The following MAML2 variants were observed in gnomAD, a reference collection of about 807,000 sequenced individuals.
MAML2 encodes mastermind-like protein 2.
MAML2 carries 22 observed loss-of-function variants against 96.1 expected under a neutral mutation model. The ratio of observed to expected loss-of-function variants is 0.23; its 90% CI spans 0.16 to 0.33. The LOEUF is 0.33. MAML2 is among the 10% of genes least tolerant of loss of function. MAML2 has a pLI of 1.00. For missense variants in MAML2, 1,367 were observed against 1,392.4 expected (o/e 0.98, Z 0.29); for synonymous variants, 561 against 521.3 (o/e 1.08, Z -1.04).
At chr11:96,009,600 A>G (rs1289963849) in intron 2 of MAML2, among the ~76,000 whole-genome samples, 1 of 152,224 alleles carries the variant, frequency 6.6e-6, no homozygotes, top group Non-Finnish European at 1.5e-5. Context: ...CTGTGTACTT[A>G]CTACTCTACT....
chr11:96,008,001 A>G (rs972656932), intron 2 of MAML2, among the ~76,000 whole-genome samples: 1 of 145,180 alleles, frequency 6.9e-6, no homozygotes, highest in African/African-American at 2.6e-5. Flanking sequence ...CAATGTGCAC[A>G]TGTACCCTAA....
At chr11:96,005,606 G>A (rs537238090) in intron 2 of MAML2, among the ~76,000 whole-genome samples, 2 of 152,282 alleles carry the variant, frequency 1.3e-5, no homozygotes, top group East Asian at 1.9e-4. Context: ...TGGAGAGTAG[G>A]GGATCAAGGT....
At chr11:96,321,961 T>C (rs1298723388) in intron 1 of MAML2, among the ~76,000 whole-genome samples, 1 of 152,184 alleles carries the variant, frequency 6.6e-6, no homozygotes, top group Non-Finnish European at 1.5e-5. Context: ...TTTGTTGTTG[T>C]TGTTGTTGTT....
intron 2 of MAML2, among the ~76,000 whole-genome samples, chr11:96,050,036 T>C (rs947087018): frequency 2.6e-5 from 4 of 152,222 alleles, no homozygotes; most frequent in Non-Finnish European, 4.4e-5. Context: ...ATTTTTACCA[T>C]GGTCCTTTCA....
At chr11:96,153,613 G>C (rs1195369930) in intron 1 of MAML2, among the ~76,000 whole-genome samples, 1 of 151,998 alleles carries the variant, frequency 6.6e-6, no homozygotes, top group African/African-American at 2.4e-5. Context: ...CATCTATAAG[G>C]GAAAGTTAAA....
intron 3 of MAML2, among the ~76,000 whole-genome samples, chr11:95,988,605 T>C (rs1036692902): frequency 3.2e-4 from 48 of 148,156 alleles, no homozygotes; most frequent in African/African-American, 1.2e-3. Context: ...ATATCATTTA[T>C]ATATATATAT....
intron 1 of MAML2, among the ~76,000 whole-genome samples, chr11:96,215,230 C>G (rs557468597): frequency 6.6e-6 from 1 of 152,294 alleles, no homozygotes; most frequent in South Asian, 2.1e-4. Flanking sequence ...AGAAATAAAT[C>G]ATCTGAGTGG....
intron 1 of MAML2, among the ~76,000 whole-genome samples, chr11:96,336,686 G>T (rs1181421631): frequency 3.3e-5 from 5 of 152,046 alleles, no homozygotes; most frequent in Non-Finnish European, 4.4e-5. Context: ...TCCCTTTCAG[G>T]CTTTCTTAGA....
chr11:96,033,050 A>G, intron 2 of MAML2, among the ~76,000 whole-genome samples: 1 of 152,256 alleles, frequency 6.6e-6, no homozygotes, highest in East Asian at 1.9e-4. Flanking sequence ...TTTTTAAAAC[A>G]GGGAGACTCT....
rs144375756 is a variant in MAML2 at position 96,091,153 on chromosome 11, A to G, written c.2139+739T>C. 3.5e-3 allele frequency among the ~76,000 whole-genome samples: 526 copies of G among 152,322 alleles called. 3 individuals carry two copies. Among genetic ancestry groups the G allele is most frequent in the African/African-American group, 0.012 (484 of 41,574 alleles). ...TATGTTAACCAAACGATGTAAGGTT[A>G]CCAGAGATTTTTTTTATCTGTAGTC... On this transcript the variant is annotated intron_variant, in intron 2 of 4. Coordinates refer to ENST00000524717, the MANE Select transcript of MAML2 (RefSeq NM_032427.4).
In MAML2 at chr11:96,201,640, C is replaced by T. The variant is rs367808253; in HGVS notation, c.514-108123G>A. Among the ~76,000 whole-genome samples the T allele has an allele frequency of 2.8e-4, 43 of 152,304 alleles. 1 individual carries two copies. In the East Asian group the frequency reaches 5.2e-3, roughly 18 times the overall value. Reference sequence around the variant, plus strand: ...AGGATTTTAAAAGTCTCAAATGGGGCGGGGTGTGGTGGCTCATGCCTGTAA... The same window carrying T: ...AGGATTTTAAAAGTCTCAAATGGGGTGGGGTGTGGTGGCTCATGCCTGTAA... On this transcript the variant is annotated intron_variant, in intron 1 of 4. Coordinates refer to ENST00000524717, the MANE Select transcript of MAML2 (RefSeq NM_032427.4).
intron 1 of MAML2, among the ~76,000 whole-genome samples, chr11:96,168,403 A>T (rs1861226277): frequency 6.6e-6 from 1 of 152,170 alleles, no homozygotes; most frequent in South Asian, 2.1e-4. Flanking sequence ...AGACCATATC[A>T]TCTCATTCCC....
At chr11:96,145,850 A>C (rs1860807043) in intron 1 of MAML2, among the ~76,000 whole-genome samples, 1 of 152,220 alleles carries the variant, frequency 6.6e-6, no homozygotes, top group Non-Finnish European at 1.5e-5. Context: ...TCTACTAAAA[A>C]TACAAAAAAT....
chr11:96,304,499 T>C (rs1863436843), intron 1 of MAML2, among the ~76,000 whole-genome samples: 2 of 152,184 alleles, frequency 1.3e-5, no homozygotes, highest in African/African-American at 2.4e-5. Context: ...AGACATTGGT[T>C]AATGTGGATT....
intron 1 of MAML2, among the ~76,000 whole-genome samples, chr11:96,313,840 G>A (rs1394802326): frequency 1.3e-5 from 2 of 152,044 alleles, no homozygotes; most frequent in Admixed American, 6.6e-5. Flanking sequence ...CAGATATTAG[G>A]GTTTTACAGC....
At position 96,327,165 on chromosome 11, in the gene MAML2, C is replaced by T. The variant is rs77895496; in HGVS notation, c.513+14218G>A. 2.4e-3 allele frequency among the ~76,000 whole-genome samples: 363 copies of T among 152,168 alleles called. 3 individuals are homozygous for T. The highest frequency in any genetic ancestry group is 8.4e-3 in the African/African-American group (349 of 41,486). ...GGTGATATTTGAGCTGAATCCTGTA[C>T]GACAAGAATAATGCAGCCAAGCAAA... On this transcript the variant is annotated intron_variant, in intron 1 of 4. Coordinates refer to ENST00000524717, the MANE Select transcript of MAML2 (RefSeq NM_032427.4).
chr11:96,049,279 T>C (rs1565199494), intron 2 of MAML2, among the ~76,000 whole-genome samples: 1 of 152,230 alleles, frequency 6.6e-6, no homozygotes, highest in Non-Finnish European at 1.5e-5. Flanking sequence ...TCAACTCCAT[T>C]TTAGAATAGG....
chr11:96,099,904 G>T lies in MAML2; in HGVS notation c.514-6387C>A, dbSNP rs1447488535. On this transcript the variant is annotated intron_variant, in intron 1 of 4. Transcript: ENST00000524717. ...ATCCTCCTGCTTCAGCCTCCCAAAGGTTATAGAGATTACAAGCATGAGCCA... is the reference window on the plus strand; with the variant it reads ...ATCCTCCTGCTTCAGCCTCCCAAAGTTTATAGAGATTACAAGCATGAGCCA... 2.6e-5 allele frequency among the ~76,000 whole-genome samples: 4 copies of T among 151,444 alleles called. 1 individual carries two copies. The highest frequency in any genetic ancestry group is 4.1e-4 in the South Asian group (2 of 4,826).
chr11:96,233,992 C>T (rs1817811238), intron 1 of MAML2, among the ~76,000 whole-genome samples: 1 of 152,204 alleles, frequency 6.6e-6, no homozygotes, highest in African/African-American at 2.4e-5. Context: ...AGCACTGTCT[C>T]CATCCTATGT....
Sources: gnomAD v4.1 joint callset for allele counts (sites outside exome capture counted in the v4.1 genomes callset) on GRCh38, gnomAD v4.1.1 for gene constraint, MANE v1.5 for transcripts, NCBI Gene and HGNC (gene_info 2026-07-23, HGNC 2026-07-21) for gene names.